The following EXT1 variants were observed in gnomAD, a reference collection of about 807,000 sequenced individuals.
EXT1 encodes exostosin-1.
In EXT1, 20 loss-of-function variants were observed where a neutral mutation model predicts 82.5. The ratio of observed to expected loss-of-function variants is 0.24; its 90% CI spans 0.17 to 0.35. The LOEUF is 0.35. Among genes scored for constraint, EXT1 ranks in the 10% least tolerant of loss-of-function variants. EXT1 has a pLI of 1.00. For synonymous variants in EXT1, 348 were observed against 350.8 expected, an observed-to-expected ratio of 0.99 and a Z score of 0.09; for missense variants, 757 against 936.5, an observed-to-expected ratio of 0.81 and a Z score of 2.50.
chr8:117,972,148 C>CAAAAAA (rs34241911), intron 1 of EXT1, among the ~76,000 whole-genome samples: 1 of 107,416 alleles, frequency 9.3e-6, no homozygotes, highest in African/African-American at 3.9e-5. Context: ...AAAACTCCAA[C>CAAAAAA]AAAAAAAAAA....
chr8:117,820,309 T>G (rs1811901919), intron 5 of EXT1, among the ~76,000 whole-genome samples: 1 of 152,188 alleles, frequency 6.6e-6, no homozygotes. Flanking sequence ...CGGGGGACCT[T>G]GGAAAGATTA....
intron 1 of EXT1, among the ~76,000 whole-genome samples, chr8:118,095,223 G>A (rs1268440575): frequency 2.6e-5 from 4 of 152,040 alleles, no homozygotes; most frequent in East Asian, 1.9e-4. Context: ...TAATCCTTTT[G>A]CCCTCTGTTA....
chr8:118,081,685 G>A (rs540029507), intron 1 of EXT1, among the ~76,000 whole-genome samples: 1 of 152,258 alleles, frequency 6.6e-6, no homozygotes, highest in Admixed American at 6.5e-5. Flanking sequence ...TGGGGAAAAG[G>A]GGATTACAAA....
intron 1 of EXT1, among the ~76,000 whole-genome samples, chr8:118,007,968 T>C (rs1815814174): frequency 6.6e-6 from 1 of 152,194 alleles, no homozygotes. Flanking sequence ...CTGTTTTCAC[T>C]ATATTTTGAT....
chr8:117,819,610 A>G, intron 6 of EXT1, 66 bp downstream of exon 6: 3 of 1,363,154 alleles, frequency 2.2e-6, no homozygotes, highest in Non-Finnish European at 3.2e-6. Flanking sequence ...ATAACAGGTA[A>G]GGAGGGCGGA....
intron 1 of EXT1, among the ~76,000 whole-genome samples, chr8:117,841,854 C>A (rs969219684): frequency 6.6e-6 from 1 of 152,172 alleles, no homozygotes; most frequent in Non-Finnish European, 1.5e-5. Context: ...TGAAGTCCTG[C>A]CCCTCTGTAG....
rs150446892 is a variant in EXT1, at chr8:118,102,034, A to C, written c.962+8051T>G. ...GTAATCCCAGTACTTTGGGAGGCTAAGGTGGGTAGATCACCTCAGATCAGG... is the reference window on the plus strand; with the variant it reads ...GTAATCCCAGTACTTTGGGAGGCTACGGTGGGTAGATCACCTCAGATCAGG... On this transcript the variant is annotated intron_variant, in intron 1 of 10. Coordinates refer to ENST00000378204, the MANE Select transcript of EXT1 (RefSeq NM_000127.3). 4.7e-3 allele frequency among the ~76,000 whole-genome samples: 723 copies of C among 152,260 alleles called. 9 individuals carry two copies. Among genetic ancestry groups the C allele is most frequent in the African/African-American group, 0.016 (657 of 41,562 alleles).
At chr8:117,951,132 G>A (rs915148811) in intron 1 of EXT1, among the ~76,000 whole-genome samples, 2 of 152,200 alleles carry the variant, frequency 1.3e-5, no homozygotes, top group African/African-American at 4.8e-5. Flanking sequence ...TGTAAAAGGA[G>A]AAAGTGAGAG....
chr8:117,916,072 T>C (rs937422251), intron 1 of EXT1, among the ~76,000 whole-genome samples: 2 of 152,200 alleles, frequency 1.3e-5, no homozygotes, highest in South Asian at 2.1e-4. Flanking sequence ...ACTTCTTTTA[T>C]AGAAAAAATG....
chr8:118,108,845 A>G (rs1817841409), intron 1 of EXT1, among the ~76,000 whole-genome samples: 1 of 152,162 alleles, frequency 6.6e-6, no homozygotes, highest in Admixed American at 6.5e-5. Context: ...TTTGCGAAAC[A>G]TTTCCCCTAT....
rs73323954 is a variant in EXT1 at position 117,961,621 on chromosome 8, G to A, written c.963-124420C>T. On this transcript the variant is annotated intron_variant, in intron 1 of 10. Transcript: ENST00000378204. ...TGCAATTTGCAAGCATGAAACATAC[G>A]TGCACTTATTTCAAGAATTCATATA... Among the ~76,000 whole-genome samples the A allele has an allele frequency of 8.0e-3, 1,225 of 152,260 alleles. 23 individuals carry two copies. Among genetic ancestry groups the A allele is most frequent in the African/African-American group, 0.028 (1,168 of 41,560 alleles).
chr8:118,020,791 C>G (rs1195073775), intron 1 of EXT1, among the ~76,000 whole-genome samples: 1 of 152,212 alleles, frequency 6.6e-6, no homozygotes, highest in East Asian at 1.9e-4. Context: ...ACTTAGCCTT[C>G]TTTGACCATA....
intron 1 of EXT1, among the ~76,000 whole-genome samples, chr8:117,966,599 CG>C: frequency 6.6e-6 from 1 of 152,142 alleles, no homozygotes; most frequent in East Asian, 1.9e-4. Context: ...CTAAGTCTGG[CG>C]TATCCCCTCT....
chr8:117,891,914 C>T (rs1032666032), intron 1 of EXT1, among the ~76,000 whole-genome samples: 2 of 145,428 alleles, frequency 1.4e-5, no homozygotes, highest in Non-Finnish European at 3.0e-5. Context: ...TCAAGCGATT[C>T]TCCTGCTTCA....
intron 1 of EXT1, among the ~76,000 whole-genome samples, chr8:118,109,296 A>C (rs7014053): frequency 0.58 from 87,776 of 150,752 alleles, 26,121 homozygotes; most frequent in Middle Eastern, 0.73. Context: ...TAGATAAAGA[A>C]AAAAGGGAAC....
At chr8:117,996,416 G>C (rs1195334869) in intron 1 of EXT1, among the ~76,000 whole-genome samples, 1 of 152,216 alleles carries the variant, frequency 6.6e-6, no homozygotes, top group Non-Finnish European at 1.5e-5. Flanking sequence ...TGTACGGCTA[G>C]TGGCTGCCAT....
At chr8:117,916,385 T>C (rs1016335154) in intron 1 of EXT1, among the ~76,000 whole-genome samples, 1 of 152,126 alleles carries the variant, frequency 6.6e-6, no homozygotes, top group Non-Finnish European at 1.5e-5. Context: ...CACACACAGG[T>C]GTGCGCACCC....
At position 117,910,163 on chromosome 8, in the gene EXT1, C is replaced by G. The variant is rs139764740; in HGVS notation, c.963-72962G>C. Among the ~76,000 whole-genome samples the G allele has an allele frequency of 3.5e-3, 529 of 152,304 alleles. 3 individuals are homozygous for G. Among genetic ancestry groups the G allele is most frequent in the African/African-American group, 9.1e-3 (380 of 41,558 alleles). ...ATTTCCTCTAATAAGGGTGTCTCCA[C>G]AGTGGATTAAATGCCTCAGCCAGAT... On this transcript the variant is annotated intron_variant, in intron 1 of 10. Coordinates refer to ENST00000378204, the MANE Select transcript of EXT1 (RefSeq NM_000127.3).
chr8:117,803,190 C>T (rs1271708301), intron 10 of EXT1, among the ~76,000 whole-genome samples: 1 of 151,768 alleles, frequency 6.6e-6, no homozygotes, highest in East Asian at 1.9e-4. Flanking sequence ...TTTTTTGTTT[C>T]TTTTTTCTTT....
Sources: allele counts gnomAD v4.1 joint callset (sites outside exome capture counted in the v4.1 genomes callset), GRCh38; gene constraint gnomAD v4.1.1; transcripts MANE v1.5; gene names NCBI Gene and HGNC (gene_info 2026-07-23, HGNC 2026-07-21).